Variants in GPHN observed in about 807,000 individuals in gnomAD.
GPHN encodes gephyrin.
GPHN carries 17 observed loss-of-function variants against 95.5 expected under a neutral mutation model. The observed-to-expected ratio is 0.18, with a 90% confidence interval of 0.12 to 0.27. GPHN has a LOEUF of 0.27. Ranked by LOEUF, GPHN falls within the 10% of genes least tolerant of loss-of-function variation. The pLI is 1.00. For synonymous variants in GPHN, 320 were observed against 322.5 expected (o/e 0.99, Z 0.08); for missense variants, 660 against 978.1 (o/e 0.67, Z 4.34).
chr14:66,878,541 A>C (rs2063777812), intron 4 of GPHN, among the ~76,000 whole-genome samples: 1 of 152,240 alleles, frequency 6.6e-6, no homozygotes, highest in South Asian at 2.1e-4. Context: ...CGCCATCAAA[A>C]AGTGGGCAAA....
chr14:66,819,648 C>T (rs1250824260), intron 3 of GPHN, among the ~76,000 whole-genome samples: 1 of 151,240 alleles, frequency 6.6e-6, no homozygotes, highest in Admixed American at 6.6e-5. Flanking sequence ...TGTTTTTTTG[C>T]TTAGGACCAC....
chr14:66,906,691 AACCAGAAGTCTCTGGTTT>A (rs1339085116), intron 5 of GPHN, among the ~76,000 whole-genome samples: 3 of 152,094 alleles, frequency 2.0e-5, no homozygotes, highest in Non-Finnish European at 4.4e-5. Context: ...GCCATTTTGA[AACCAGAAGTCTCTGGTTT>A]CTTGAGATTT....
At chr14:66,635,988 GA>G (rs1400718758) in intron 1 of GPHN, among the ~76,000 whole-genome samples, 1 of 151,840 alleles carries the variant, frequency 6.6e-6, no homozygotes, top group Non-Finnish European at 1.5e-5. Context: ...GAAAAAAAAA[GA>G]AAAAGAAAAA....
the GPHN span, among the ~76,000 whole-genome samples, chr14:67,560,137 G>T: frequency 6.6e-6 from 1 of 151,938 alleles, no homozygotes; most frequent in African/African-American, 2.4e-5. Flanking sequence ...ACCGATTCTC[G>T]TGCCTCAGCC....
At chr14:66,806,396 C>T (rs1190508443) in intron 3 of GPHN, among the ~76,000 whole-genome samples, 6 of 152,206 alleles carry the variant, frequency 3.9e-5, no homozygotes, top group Non-Finnish European at 7.3e-5. Context: ...ACATTCGGCT[C>T]CTTGTTACTC....
At chr14:67,690,850 C>G in the GPHN span, 2 of 412,958 alleles carry the variant, frequency 4.8e-6, no homozygotes, top group South Asian at 6.6e-5. Flanking sequence ...ATACCTGATG[C>G]TGGCCACAAG....
the GPHN span, among the ~76,000 whole-genome samples, chr14:67,612,369 T>C: frequency 6.6e-6 from 1 of 152,236 alleles, no homozygotes; most frequent in Non-Finnish European, 1.5e-5. Flanking sequence ...CTTCATACTA[T>C]GCATGTTCAG....
the GPHN span, among the ~76,000 whole-genome samples, chr14:67,610,158 C>T: frequency 6.6e-6 from 1 of 152,276 alleles, no homozygotes; most frequent in African/African-American, 2.4e-5. Flanking sequence ...TGTTAAATGC[C>T]TATTCAAGGA....
the GPHN span, among the ~76,000 whole-genome samples, chr14:67,446,870 G>T: frequency 1.2e-4 from 19 of 152,108 alleles, no homozygotes; most frequent in Non-Finnish European, 2.6e-4. Context: ...CTTTGTAAAA[G>T]AAAGTTTTTT....
the GPHN span, chr14:67,388,131 C>A: frequency 1.3e-6 from 1 of 796,458 alleles, no homozygotes; most frequent in South Asian, 1.5e-5. Context: ...CCCTGCTCGG[C>A]TCCCAAAGCT....
At chr14:67,096,340 AG>A (rs2077392203) in intron 12 of GPHN, among the ~76,000 whole-genome samples, 1 of 152,160 alleles carries the variant, frequency 6.6e-6, no homozygotes. Context: ...ACTCCATACT[AG>A]GCTTGCCCCA....
rs201864819 is a variant in GPHN, at chr14:66,824,608, A to G, written c.294+42A>G. 25 of 906,448 alleles carry G rather than the reference A, an allele frequency of 2.8e-5. No homozygotes were observed. The East Asian group carries it at 6.1e-4, about 22-fold the overall frequency. 56.2% of individuals were successfully genotyped at this position (906,448 alleles called of 1,614,324 possible). On this transcript the variant is annotated intron_variant, in intron 4 of 22. Transcript: ENST00000478722. ...CTTTTCATATTCAAGGATTAAACTA[A>G]TCATGGTTTTTTTAATCCTTTTTAC...
chr14:67,229,256 G>T, the GPHN span, among the ~76,000 whole-genome samples: 8 of 152,308 alleles, frequency 5.3e-5, no homozygotes, highest in African/African-American at 1.7e-4. Flanking sequence ...GGGTAGTTAG[G>T]TTTTTTTAAA....
At chr14:67,659,883 A>G in the GPHN span, 2 of 1,614,164 alleles carry the variant, frequency 1.2e-6, no homozygotes, top group Non-Finnish European at 1.7e-6. Context: ...TTTCGGAAAG[A>G]CAGGGGTGCA....
the GPHN span, among the ~76,000 whole-genome samples, chr14:67,610,587 T>A: frequency 6.6e-6 from 1 of 152,210 alleles, no homozygotes; most frequent in Non-Finnish European, 1.5e-5. Flanking sequence ...ACTACTCCTA[T>A]AGATGACCTC....
At chr14:67,143,062 C>A in intron 17 of GPHN, 2 of 364,844 alleles carry the variant, frequency 5.5e-6, no homozygotes, top group Non-Finnish European at 1.1e-5. Flanking sequence ...CTAGGCAAAC[C>A]AGGATAGTTA....
the GPHN span, among the ~76,000 whole-genome samples, chr14:67,213,296 T>C: frequency 1.3e-4 from 19 of 143,564 alleles, no homozygotes; most frequent in Non-Finnish European, 2.3e-4. Flanking sequence ...GTATATCTCC[T>C]AAGGCTATCC....
At chr14:66,683,975 C>CAA (rs1253075683) in intron 2 of GPHN, among the ~76,000 whole-genome samples, 8 of 107,212 alleles carry the variant, frequency 7.5e-5, no homozygotes, top group Non-Finnish European at 1.2e-4. Context: ...GACTCCGTCT[C>CAA]AAAAAAAAAA....
rs544085814 is a variant in GPHN, at chr14:66,855,113, T to C, written c.295-24826T>C. ...CTGCCCACCGCAGCCTCCCTAAGTG[T>C]TGGGATTATAGGCATGAGCCACCGT... is the stretch of plus-strand genomic sequence containing the variant. On this transcript the variant is annotated intron_variant, in intron 4 of 22. Transcript: ENST00000478722. 1.5e-4 allele frequency among the ~76,000 whole-genome samples: 23 copies of C among 152,232 alleles called. No individual in the cohort carries two copies. In the South Asian group the frequency reaches 3.3e-3, roughly 22 times the overall value.
Sources: gnomAD v4.1 joint callset for allele counts (sites outside exome capture counted in the v4.1 genomes callset) on GRCh38, gnomAD v4.1.1 for gene constraint, MANE v1.5 for transcripts, NCBI Gene and HGNC (gene_info 2026-07-23, HGNC 2026-07-21) for gene names.